The following CTCFL variants were observed in gnomAD, a reference collection of about 807,000 sequenced individuals.
CTCFL encodes the protein transcriptional repressor CTCFL.
A neutral mutation model predicts 67.4 loss-of-function variants in CTCFL; 36 were observed. That is an observed-to-expected ratio of 0.53 (90% CI 0.41 to 0.71). The LOEUF (loss-of-function observed/expected upper bound fraction) is 0.71, where lower values mean the gene tolerates loss of function less well. Among genes scored for constraint, CTCFL ranks in the 30% least tolerant of loss-of-function variants. The pLI is 0.00. For missense variants in CTCFL, 786 were observed against 835.2 expected, an observed-to-expected ratio of 0.94 and a Z score of 0.73; for synonymous variants, 324 against 302.3, an observed-to-expected ratio of 1.07 and a Z score of -0.75.
intron 7 of CTCFL, chr20:57,513,570 G>C: frequency 9.0e-7 from 1 of 1,108,438 alleles, no homozygotes; most frequent in South Asian, 2.2e-5. Context: ...CTTTGCCATG[G>C]TGTCAAAAAA....
At chr20:57,518,553 A>G in intron 5 of CTCFL, 1 of 1,421,330 alleles carries the variant, frequency 7.0e-7, no homozygotes, top group South Asian at 1.4e-5. Flanking sequence ...TATTATTTTC[A>G]CTAATTAGTA....
chr20:57,500,865 AAAAAC>A (rs2067876777), intron 10 of CTCFL, among the ~76,000 whole-genome samples: 1 of 152,230 alleles, frequency 6.6e-6, no homozygotes, highest in African/African-American at 2.4e-5. Context: ...AAAACCAAAC[AAAAAC>A]AAAACAAAAC....
At chr20:57,507,765 C>A in intron 9 of CTCFL, 2 of 702,988 alleles carry the variant, frequency 2.8e-6, no homozygotes, top group Non-Finnish European at 5.2e-6. Flanking sequence ...CCCAGTTCAG[C>A]CACTTCCGAG....
At chr20:57,523,586 A>G in intron 2 of CTCFL, 77 bp downstream of exon 2, 1 of 1,532,400 alleles carries the variant, frequency 6.5e-7, no homozygotes, top group African/African-American at 1.4e-5. Flanking sequence ...TACCTTGTCC[A>G]GACATAATAT....
In CTCFL at chr20:57,507,304, G is replaced by A. The variant is rs138813637; in HGVS notation, c.1674+1302C>T. 1.9e-3 allele frequency: 763 copies of A among 405,044 alleles called. 5 individuals carry two copies. The highest frequency in any genetic ancestry group is 0.013 in the African/African-American group (636 of 49,236). 25.1% of individuals were successfully genotyped at this position (405,044 alleles called of 1,614,324 possible). A position where few individuals can be genotyped will look rare whatever the true frequency, so the allele number is the denominator to read the frequency against. On this transcript the variant is annotated intron_variant, in intron 9 of 10. Coordinates refer to ENST00000243914, the MANE Select transcript of CTCFL (RefSeq NM_001386993.1). ...TCTCCTGGGTTCAAGTGATCCTCCCGTCCCAACCACCCAAGTAGCTGGGAT... is the reference window on the plus strand; with the variant it reads ...TCTCCTGGGTTCAAGTGATCCTCCCATCCCAACCACCCAAGTAGCTGGGAT...
chr20:57,502,928 A>C (rs571628201), intron 10 of CTCFL, among the ~76,000 whole-genome samples: 1 of 152,328 alleles, frequency 6.6e-6, no homozygotes, highest in African/African-American at 2.4e-5. Flanking sequence ...AGAAGAGAGG[A>C]GAGAGCTAGG....
rs1461467810 is a variant in CTCFL, at chr20:57,524,017, T to C, written c.189A>G (p.Glu63=). The C allele has an allele frequency of 1.2e-6, 2 of 1,613,350 alleles. No homozygotes were observed. Among genetic ancestry groups the C allele is most frequent in the Admixed American group, 1.7e-5 (1 of 60,018 alleles). The part of the protein sequence containing the change: ...SGAFQDSVLE[E]EVELVLAPSE... ...AGGGGGCCAGCACCAGCTCCACTTC[T>C]TCCTCCAGGACGCTGTCCTGGAAGG... The change falls in exon 2 of 11, where the codon GAA becomes GAG. Residue 63 remains glutamate, a synonymous_variant. Coordinates refer to ENST00000243914, the MANE Select transcript of CTCFL (RefSeq NM_001386993.1).
chr20:57,514,945 C>A (rs2068809684), intron 6 of CTCFL: 2 of 575,416 alleles, frequency 3.5e-6, no homozygotes, highest in Non-Finnish European at 6.1e-6. Flanking sequence ...GGACCAGAGA[C>A]ATGACTTCCC....
At chr20:57,502,008 C>A (rs1204418284) in intron 10 of CTCFL, among the ~76,000 whole-genome samples, 4 of 152,214 alleles carry the variant, frequency 2.6e-5, no homozygotes. Context: ...GTGGTAATTG[C>A]CGATGCCTGG....
chr20:57,497,078 C>A (rs933887841), downstream of CTCFL: 121 of 222,810 alleles, frequency 5.4e-4, no homozygotes, highest in Middle Eastern at 6.9e-3. Context: ...AACATTCCCA[C>A]CAACAGTGCA....
intron 9 of CTCFL, chr20:57,507,519 G>T: frequency 1.4e-6 from 1 of 696,096 alleles, no homozygotes; most frequent in South Asian, 1.5e-5. Context: ...TTTAGGACTA[G>T]ACTGCAAAAG....
intron 7 of CTCFL, among the ~76,000 whole-genome samples, chr20:57,512,961 T>C (rs184012756): frequency 6.6e-6 from 1 of 152,170 alleles, no homozygotes; most frequent in East Asian, 1.9e-4. Flanking sequence ...CACCTCTTTC[T>C]CCCCGGTTGT....
At chr20:57,515,867 A>C (rs2068881191) in intron 5 of CTCFL, 33 bp from the exon 6 acceptor site, 1 of 1,585,402 alleles carries the variant, frequency 6.3e-7, no homozygotes, top group Admixed American at 1.8e-5. Context: ...TCGTTGCAAT[A>C]GAAACTAAAA....
chr20:57,506,845 T>C (rs967752630), intron 9 of CTCFL: 1 of 985,094 alleles, frequency 1.0e-6, no homozygotes, highest in Non-Finnish European at 1.2e-6. Context: ...AATTTTTGCA[T>C]GAGCAATGGT....
At chr20:57,523,616 A>G in intron 2 of CTCFL, 47 bp downstream of exon 2, 1 of 1,565,880 alleles carries the variant, frequency 6.4e-7, no homozygotes, top group Non-Finnish European at 8.6e-7. Flanking sequence ...GCCGACTTGA[A>G]TTTTTTCTTT....
chr20:57,507,039 T>C, intron 9 of CTCFL: 1 of 985,960 alleles, frequency 1.0e-6, no homozygotes, highest in Non-Finnish European at 1.2e-6. Context: ...AAAGTTAGGC[T>C]GAAGCCTACA....
chr20:57,503,022 C>T (rs930240483), intron 10 of CTCFL, among the ~76,000 whole-genome samples: 42 of 152,176 alleles, frequency 2.8e-4, no homozygotes, highest in Admixed American at 3.3e-4. Flanking sequence ...CTAGGAGGGA[C>T]CCTCCCCTAG....
chr20:57,524,388 G>C (rs2069687960), intron 1 of CTCFL, 172 bp from the exon 2 acceptor site: 1 of 1,438,772 alleles, frequency 7.0e-7, no homozygotes, highest in African/African-American at 1.4e-5. Flanking sequence ...GGGTCTAGGA[G>C]GGGGTCAAGG....
At chr20:57,514,367 C>A (rs750137933) in intron 7 of CTCFL, among the ~76,000 whole-genome samples, 2 of 152,162 alleles carry the variant, frequency 1.3e-5, no homozygotes, top group Admixed American at 6.5e-5. Flanking sequence ...CACGTGCATA[C>A]GGAACAGGCC....
Sources: allele counts gnomAD v4.1 joint callset (sites outside exome capture counted in the v4.1 genomes callset), GRCh38; gene constraint gnomAD v4.1.1; transcripts MANE v1.5; gene names NCBI Gene and HGNC (gene_info 2026-07-23, HGNC 2026-07-21).